NRG3: variants seen among roughly 807,000 people sequenced by gnomAD.
NRG3 encodes pro-neuregulin-3, membrane-bound isoform.
Under a neutral mutation model 66.9 loss-of-function variants are expected in NRG3, and 31 were observed. The observed-to-expected ratio is 0.46, with a 90% CI of 0.35 to 0.63. The LOEUF (loss-of-function observed/expected upper bound fraction) is 0.63. NRG3 is among the 20% of genes least tolerant of loss of function. NRG3 has a pLI of 0.00. For missense variants in NRG3, 910 were observed against 878.9 expected, an observed-to-expected ratio of 1.04 and a Z score of -0.45; for synonymous variants, 393 against 359.4, an observed-to-expected ratio of 1.09 and a Z score of -1.06.
intron 2 of NRG3, among the ~76,000 whole-genome samples, chr10:82,644,624 G>A (rs2050809819): frequency 6.6e-6 from 1 of 152,146 alleles, no homozygotes; most frequent in Non-Finnish European, 1.5e-5. Flanking sequence ...TTAAATGAAT[G>A]TGCAAATAGA....
At chr10:82,185,796 C>T (rs1427403595) in intron 1 of NRG3, among the ~76,000 whole-genome samples, 1 of 152,186 alleles carries the variant, frequency 6.6e-6, no homozygotes, top group African/African-American at 2.4e-5. Context: ...ACTGCATTAT[C>T]ACATCTTTAC....
chr10:82,628,140 A>G (rs2049552274), intron 2 of NRG3, among the ~76,000 whole-genome samples: 1 of 152,190 alleles, frequency 6.6e-6, no homozygotes, highest in Non-Finnish European at 1.5e-5. Context: ...GAGTCTCTCA[A>G]TATCATGGAA....
At chr10:81,987,149 G>A (rs1272037753) in intron 1 of NRG3, among the ~76,000 whole-genome samples, 1 of 151,926 alleles carries the variant, frequency 6.6e-6, no homozygotes, top group Non-Finnish European at 1.5e-5. Context: ...GTGCAGTGAC[G>A]CGATCTCGGC....
At chr10:82,079,409 A>G (rs2065268778) in intron 1 of NRG3, among the ~76,000 whole-genome samples, 1 of 152,086 alleles carries the variant, frequency 6.6e-6, no homozygotes. Flanking sequence ...TTTCCCATAT[A>G]CCTACTGCCC....
chr10:82,378,984 C>T (rs142112580), intron 2 of NRG3, among the ~76,000 whole-genome samples: 1,740 of 152,146 alleles, frequency 0.011, 20 homozygotes, highest in Non-Finnish European at 0.016. Flanking sequence ...GAGTAGTATT[C>T]GTGGATGGAG....
intron 4 of NRG3, among the ~76,000 whole-genome samples, chr10:82,912,680 A>G (rs956733796): frequency 1.3e-5 from 2 of 152,138 alleles, no homozygotes; most frequent in Non-Finnish European, 2.9e-5. Context: ...AATACCTATC[A>G]TATTTGTAAA....
chr10:82,003,772 C>G (rs977508797), intron 1 of NRG3, among the ~76,000 whole-genome samples: 4 of 152,012 alleles, frequency 2.6e-5, no homozygotes, highest in African/African-American at 4.8e-5. Flanking sequence ...GTTGACCTAT[C>G]TTTTGAGAAG....
intron 4 of NRG3, among the ~76,000 whole-genome samples, chr10:82,879,025 A>C (rs1842068261): frequency 6.6e-6 from 1 of 152,226 alleles, no homozygotes; most frequent in African/African-American, 2.4e-5. Context: ...AATTCAATTA[A>C]ATACATTCTG....
At position 82,029,140 on chromosome 10, in the gene NRG3, T is replaced by C. The variant is rs550377958; in HGVS notation, c.823+152977T>C. Among the ~76,000 whole-genome samples the C allele has an allele frequency of 3.3e-5, 5 of 151,870 alleles. No homozygotes were observed. The South Asian group carries it at 8.3e-4, about 25-fold the overall frequency. On this transcript the variant is annotated intron_variant, in intron 1 of 8. Transcript: ENST00000372141. ...AGGAGAATTGCTTTAACCTGGGAGG[T>C]GGAGGTTGCAGTGATCAGAGATCGC... is the stretch of plus-strand genomic sequence containing the variant.
intron 1 of NRG3, among the ~76,000 whole-genome samples, chr10:82,212,457 A>G (rs1311890705): frequency 6.6e-6 from 1 of 152,208 alleles, no homozygotes; most frequent in African/African-American, 2.4e-5. Context: ...ACAATTTACA[A>G]AGTGCTTTCG....
chr10:82,442,784 A>ATTTTTTTTTTTTT lies in NRG3; in HGVS notation c.953+83935_953+83947dup, dbSNP rs61261285. 2.4e-4 allele frequency among the ~76,000 whole-genome samples: 13 copies of ATTTTTTTTTTTTT among 54,274 alleles called. 1 individual carries two copies. The highest frequency in any genetic ancestry group is 4.9e-4 in the Admixed American group (2 of 4,072). 35.6% of individuals were successfully genotyped at this position (54,274 alleles called of 152,430 possible). A position where few individuals can be genotyped will look rare whatever the true frequency, so the allele number is the denominator to read the frequency against. ...CACCAAAGATCTTATTTCTGTGTGG[A>ATTTTTTTTTTTTT]TTTTTTTTTTTTTTTTTTTTTTTTT... is the stretch of plus-strand genomic sequence containing the variant. On this transcript the variant is annotated intron_variant, in intron 2 of 8. Transcript: ENST00000372141.
At chr10:82,487,401 A>G (rs1029727265) in intron 2 of NRG3, among the ~76,000 whole-genome samples, 8 of 152,090 alleles carry the variant, frequency 5.3e-5, no homozygotes, top group Non-Finnish European at 1.2e-4. Context: ...TCATTGTTTT[A>G]TTTTAATCCT....
chr10:82,175,018 A>G (rs971316136), intron 1 of NRG3, among the ~76,000 whole-genome samples: 21 of 152,158 alleles, frequency 1.4e-4, no homozygotes, highest in African/African-American at 5.1e-4. Context: ...TTGTCCTACC[A>G]TACATCCAGT....
intron 1 of NRG3, among the ~76,000 whole-genome samples, chr10:82,340,224 A>G (rs1197995177): frequency 6.6e-6 from 1 of 152,146 alleles, no homozygotes; most frequent in African/African-American, 2.4e-5. Flanking sequence ...CATATTTCCT[A>G]TGCAAAGGCT....
chr10:82,586,419 A>G (rs2046672241), intron 2 of NRG3, among the ~76,000 whole-genome samples: 1 of 152,178 alleles, frequency 6.6e-6, no homozygotes, highest in South Asian at 2.1e-4. Context: ...ACTGTCAATG[A>G]TAACAGCAGG....
chr10:82,825,494 A>G (rs2062157737), intron 3 of NRG3, among the ~76,000 whole-genome samples: 1 of 152,196 alleles, frequency 6.6e-6, no homozygotes, highest in Non-Finnish European at 1.5e-5. Flanking sequence ...CAATATGGTA[A>G]TTGAGGAAGT....
chr10:81,914,009 A>G (rs1049251983), intron 1 of NRG3, among the ~76,000 whole-genome samples: 7 of 152,154 alleles, frequency 4.6e-5, no homozygotes, highest in Non-Finnish European at 1.0e-4. Context: ...ACAGCTATGC[A>G]CACTCTCTAA....
chr10:82,790,429 A>G (rs2060539564), intron 3 of NRG3, among the ~76,000 whole-genome samples: 1 of 152,022 alleles, frequency 6.6e-6, no homozygotes, highest in East Asian at 1.9e-4. Flanking sequence ...TATGGTATCT[A>G]ATAGGAAGCC....
intron 1 of NRG3, among the ~76,000 whole-genome samples, chr10:82,203,440 A>G (rs79553914): frequency 0.025 from 3,835 of 152,270 alleles, 83 homozygotes; most frequent in Non-Finnish European, 0.04. Flanking sequence ...ACTCTTTCAC[A>G]TAGGAATTAC....
Sources: gnomAD v4.1 joint callset for allele counts (sites outside exome capture counted in the v4.1 genomes callset) on GRCh38, gnomAD v4.1.1 for gene constraint, MANE v1.5 for transcripts, NCBI Gene and HGNC (gene_info 2026-07-23, HGNC 2026-07-21) for gene names.